DENND4C: variants seen among roughly 807,000 people sequenced by gnomAD.
DENND4C encodes the protein DENN domain-containing protein 4C.
Under a neutral mutation model 203.0 loss-of-function variants are expected in DENND4C, and 108 were observed. The observed-to-expected ratio is 0.53, with a 90% confidence interval of 0.46 to 0.62. The LOEUF (loss-of-function observed/expected upper bound fraction) is 0.62, where lower values mean the gene tolerates loss of function less well. Among genes scored for constraint, DENND4C ranks in the 20% least tolerant of loss-of-function variants. The probability of loss-of-function intolerance (pLI) is 0.00; values close to 1 mark genes in which losing one functional copy is unlikely to be tolerated. For synonymous variants in DENND4C, 871 were observed against 792.4 expected (o/e 1.10, Z -1.67); for missense variants, 2,481 against 2,301.2 (o/e 1.08, Z -1.60).
intron 1 of DENND4C, among the ~76,000 whole-genome samples, chr9:19,238,436 G>A (rs188863361): frequency 1.6e-3 from 227 of 143,234 alleles, no homozygotes; most frequent in African/African-American, 5.6e-3. Context: ...AACTAGTTAG[G>A]TTTTCTCTTT....
intron 22 of DENND4C, among the ~76,000 whole-genome samples, chr9:19,343,302 A>G (rs1456175127): frequency 6.6e-6 from 1 of 152,198 alleles, no homozygotes; most frequent in Non-Finnish European, 1.5e-5. Context: ...CTCTGTGTGT[A>G]TGACTCCCTT....
rs867541008 is a variant in DENND4C at position 19,282,963 on chromosome 9, C to T, written c.306-3806C>T. Among the ~76,000 whole-genome samples, 29 of 152,152 alleles carry T rather than the reference C, an allele frequency of 1.9e-4. No individual in the cohort carries two copies. In the Middle Eastern group the frequency reaches 0.01, roughly 54 times the overall value. On this transcript the variant is annotated intron_variant, in intron 2 of 32. Coordinates refer to ENST00000434457, the MANE Select transcript of DENND4C (RefSeq NM_001330640.2). ...TGAACTCCTGACCTCAAGTGATCCACCCATCTTGACCTCCCAAAGTGCTGG... is the reference window on the plus strand; with the variant it reads ...TGAACTCCTGACCTCAAGTGATCCATCCATCTTGACCTCCCAAAGTGCTGG...
intron 9 of DENND4C, among the ~76,000 whole-genome samples, chr9:19,304,532 G>A (rs1395310465): frequency 6.8e-6 from 1 of 148,014 alleles, no homozygotes; most frequent in Non-Finnish European, 1.5e-5. Flanking sequence ...TTTATTTGAA[G>A]AGTTACGAAT....
intron 15 of DENND4C, among the ~76,000 whole-genome samples, chr9:19,327,718 T>A (rs899788178): frequency 1.3e-5 from 2 of 152,008 alleles, no homozygotes; most frequent in African/African-American, 4.8e-5. Flanking sequence ...AAAATTTTTT[T>A]AAACATAAAT....
intron 10 of DENND4C, among the ~76,000 whole-genome samples, chr9:19,311,305 T>C (rs973997610): frequency 4.6e-5 from 7 of 152,098 alleles, no homozygotes; most frequent in African/African-American, 1.7e-4. Flanking sequence ...TTTGTATTTT[T>C]AGTAGAGACA....
intron 1 of DENND4C, among the ~76,000 whole-genome samples, chr9:19,240,570 G>A (rs1016749706): frequency 1.3e-5 from 2 of 151,976 alleles, no homozygotes; most frequent in African/African-American, 4.8e-5. Context: ...CGAGGCTGAG[G>A]CAGGAGAATC....
At chr9:19,247,048 C>T (rs35848970) in intron 1 of DENND4C, among the ~76,000 whole-genome samples, 7,978 of 152,176 alleles carry the variant, frequency 0.052, 307 homozygotes, top group Middle Eastern at 0.23. Context: ...GTTCTCAATC[C>T]GTAAATTACT....
chr9:19,333,242 CATG>C (rs1458232966), intron 17 of DENND4C, among the ~76,000 whole-genome samples: 2 of 151,594 alleles, frequency 1.3e-5, no homozygotes, highest in East Asian at 2.0e-4. Flanking sequence ...GTCTCAAACT[CATG>C]GTGTCAAGCC....
intron 30 of DENND4C, among the ~76,000 whole-genome samples, chr9:19,363,523 T>C (rs13298176): frequency 0.11 from 16,878 of 151,444 alleles, 1,169 homozygotes; most frequent in African/African-American, 0.18. Context: ...TAAAAAAACA[T>C]TAGTGCCCCA....
At chr9:19,272,666 C>T (rs919770297) in intron 1 of DENND4C, among the ~76,000 whole-genome samples, 3 of 152,134 alleles carry the variant, frequency 2.0e-5, no homozygotes, top group South Asian at 2.1e-4. Flanking sequence ...TAAAATGTAT[C>T]GTAGACCTAA....
intron 23 of DENND4C, among the ~76,000 whole-genome samples, chr9:19,349,214 A>G (rs2666803): frequency 0.2 from 31,080 of 152,036 alleles, 4,248 homozygotes; most frequent in African/African-American, 0.38. Context: ...TGAGCCTAGC[A>G]TGGGCAACAT....
intron 2 of DENND4C, among the ~76,000 whole-genome samples, chr9:19,283,008 C>T (rs1834434903): frequency 6.6e-6 from 1 of 151,826 alleles, no homozygotes; most frequent in African/African-American, 2.4e-5. Context: ...CGTGAGCCAC[C>T]GCCTCTGACC....
At chr9:19,257,709 A>G (rs1280416212) in intron 1 of DENND4C, among the ~76,000 whole-genome samples, 1 of 152,228 alleles carries the variant, frequency 6.6e-6, no homozygotes, top group African/African-American at 2.4e-5. Context: ...AGGTGACATC[A>G]CTACATATTC....
intron 1 of DENND4C, among the ~76,000 whole-genome samples, chr9:19,273,401 G>A (rs1380855658): frequency 2.0e-5 from 3 of 151,902 alleles, no homozygotes; most frequent in Non-Finnish European, 2.9e-5. Context: ...GATTTCTTAC[G>A]ACATCGCAAG....
intron 12 of DENND4C, among the ~76,000 whole-genome samples, chr9:19,324,022 C>G (rs1461038975): frequency 1.3e-5 from 2 of 152,152 alleles, no homozygotes; most frequent in African/African-American, 2.4e-5. Context: ...TGCACAAGAT[C>G]ATTGAAAATA....
intron 7 of DENND4C, among the ~76,000 whole-genome samples, chr9:19,298,688 C>T (rs577971072): frequency 3.3e-4 from 50 of 152,224 alleles, no homozygotes; most frequent in Non-Finnish European, 5.6e-4. Context: ...GTTTGCTCTT[C>T]ATTTATATAC....
chr9:19,237,166 G>A (rs943158377), intron 1 of DENND4C, among the ~76,000 whole-genome samples: 25 of 150,988 alleles, frequency 1.7e-4, no homozygotes, highest in Non-Finnish European at 5.9e-5. Context: ...GATTACAGGC[G>A]CGCACCACCA....
chr9:19,328,163 G>A lies in DENND4C; in HGVS notation c.2253+1G>A, dbSNP rs1173762460. Reference sequence around the variant, plus strand: ...TCTCATGGCTAAGAGAACTAAACAGGTCAGATATTCTTTATCTAATACATG... The same window carrying A: ...TCTCATGGCTAAGAGAACTAAACAGATCAGATATTCTTTATCTAATACATG... On this transcript the variant is annotated splice_donor_variant, in intron 16 of 32. Coordinates refer to ENST00000434457, the MANE Select transcript of DENND4C (RefSeq NM_001330640.2). LOFTEE classifies it high-confidence loss of function. The A allele has an allele frequency of 6.2e-7, 1 of 1,601,266 alleles. No individual in the cohort carries two copies. Among genetic ancestry groups the A allele is most frequent in the Non-Finnish European group, 8.5e-7 (1 of 1,176,492 alleles).
intron 1 of DENND4C, among the ~76,000 whole-genome samples, chr9:19,268,044 G>A (rs1219419847): frequency 4.6e-5 from 7 of 150,996 alleles, no homozygotes; most frequent in African/African-American, 1.7e-4. Context: ...TTATTTTCTG[G>A]TGGTATGTTT....
Sources: gnomAD v4.1 joint callset for allele counts (sites outside exome capture counted in the v4.1 genomes callset) on GRCh38, gnomAD v4.1.1 for gene constraint, MANE v1.5 for transcripts, NCBI Gene and HGNC (gene_info 2026-07-23, HGNC 2026-07-21) for gene names.